Variants in PCDHA7 observed in about 807,000 individuals in gnomAD.
PCDHA7 encodes protocadherin alpha 7, also known as protocadherin alpha-7.
A neutral mutation model predicts 57.2 loss-of-function variants in PCDHA7; 37 were observed. The observed-to-expected ratio is 0.65, with a 90% CI of 0.50 to 0.85. PCDHA7 has a LOEUF of 0.85. PCDHA7 is among the 40% of genes least tolerant of loss of function. The pLI is 0.00. For synonymous variants in PCDHA7, 553 were observed against 558.8 expected, an observed-to-expected ratio of 0.99 and a Z score of 0.15; for missense variants, 1,188 against 1,241.8, an observed-to-expected ratio of 0.96 and a Z score of 0.65.
At chr5:141,007,706 C>T (rs1269578685) in intron 3 of PCDHA7, among the ~76,000 whole-genome samples, 1 of 152,218 alleles carries the variant, frequency 6.6e-6, no homozygotes, top group Non-Finnish European at 1.5e-5. Flanking sequence ...TCCTCTGCCT[C>T]CCACCACCAG....
chr5:140,863,469 G>A (rs2153224585), intron 1 of PCDHA7: 1 of 498,172 alleles, frequency 2.0e-6, no homozygotes, highest in Non-Finnish European at 4.0e-6. Context: ...TTACTCTGGA[G>A]AGTCGCCTCC....
In PCDHA7 at chr5:140,941,191, T is replaced by C. The variant is rs184104978; in HGVS notation, c.2356-37758T>C. Among the ~76,000 whole-genome samples the C allele has an allele frequency of 2.1e-3, 199 of 93,252 alleles. 3 individuals are homozygous for C. Among genetic ancestry groups the C allele is most frequent in the South Asian group, 0.011 (39 of 3,542 alleles). The allele number at this position is 93,252 out of a possible 152,430, so 61.2% of individuals were successfully genotyped here. A position where few individuals can be genotyped will look rare whatever the true frequency, so the allele number is the denominator to read the frequency against. On this transcript the variant is annotated intron_variant, in intron 1 of 3. Transcript: ENST00000525929. ...CATCTTGAACATCCTGCTTCTTTTT[T>C]TTTCTTTCTTCCTTTCTTTCTTCCT...
rs144574743 is a variant in PCDHA7, at chr5:140,848,603, G to C, written c.2355+11865G>C. ...GCGGCCAGCTCCACTACTCCGTCCCGGAGGAAGCCGAACACGGCACCTTCG... is the reference window on the plus strand; with the variant it reads ...GCGGCCAGCTCCACTACTCCGTCCCCGAGGAAGCCGAACACGGCACCTTCG... On this transcript the variant is annotated intron_variant, in intron 1 of 3. Transcript: ENST00000525929. 5,441 of 1,581,086 alleles carry C rather than the reference G, an allele frequency of 3.4e-3. 700 individuals are homozygous for C. Among genetic ancestry groups the C allele is most frequent in the Middle Eastern group, 0.011 (64 of 5,726 alleles).
At chr5:140,955,157 T>A (rs1554221797) in intron 1 of PCDHA7, among the ~76,000 whole-genome samples, 1 of 152,198 alleles carries the variant, frequency 6.6e-6, no homozygotes, top group Non-Finnish European at 1.5e-5. Context: ...ACCAGTACCG[T>A]GCTGTTTTGG....
intron 1 of PCDHA7, among the ~76,000 whole-genome samples, chr5:140,918,164 G>T (rs1156404209): frequency 6.6e-6 from 1 of 152,088 alleles, no homozygotes; most frequent in East Asian, 1.9e-4. Context: ...TATTGTAAAT[G>T]GCATTGTGTT....
At chr5:140,927,993 A>G (rs782756882) in intron 1 of PCDHA7, 66 of 1,614,068 alleles carry the variant, frequency 4.1e-5, no homozygotes, top group Non-Finnish European at 5.4e-5. Flanking sequence ...TAAAGGATGA[A>G]GACCTCGATT....
chr5:141,010,697 C>T lies in PCDHA7; in HGVS notation c.*760C>T, dbSNP rs1163164861. The T allele has an allele frequency of 6.3e-6, 1 of 158,698 alleles. No homozygotes were observed. 9.8% of individuals were successfully genotyped at this position (158,698 alleles called of 1,614,324 possible). A position where few individuals can be genotyped will look rare whatever the true frequency, so the allele number is the denominator to read the frequency against. On this transcript the variant is annotated 3_prime_UTR_variant, in exon 4 of 4. Coordinates refer to ENST00000525929, the MANE Select transcript of PCDHA7 (RefSeq NM_018910.3). ...AACAGAAGCAGATCTGATGTGTTTCCTATACATGTCCTGTGCTCACTTTAT... is the reference window on the plus strand; with the variant it reads ...AACAGAAGCAGATCTGATGTGTTTCTTATACATGTCCTGTGCTCACTTTAT...
chr5:140,955,175 A>G (rs1212192227), intron 1 of PCDHA7, among the ~76,000 whole-genome samples: 1 of 152,058 alleles, frequency 6.6e-6, no homozygotes, highest in Non-Finnish European at 1.5e-5. Flanking sequence ...TGGTTACTGT[A>G]GTTTTGTGGT....
At chr5:140,966,246 G>T (rs184430396) in intron 1 of PCDHA7, 5 of 319,412 alleles carry the variant, frequency 1.6e-5, no homozygotes, top group African/African-American at 6.4e-5. Flanking sequence ...TTAAGCAGGG[G>T]AGAGACGGTG....
intron 1 of PCDHA7, among the ~76,000 whole-genome samples, chr5:140,901,260 T>G (rs1554189701): frequency 1.3e-5 from 2 of 152,190 alleles, no homozygotes; most frequent in African/African-American, 2.4e-5. Flanking sequence ...CCTGTGATTG[T>G]GGGGTATTAC....
intron 1 of PCDHA7, among the ~76,000 whole-genome samples, chr5:140,873,515 C>A (rs2054335003): frequency 6.6e-6 from 1 of 152,056 alleles, no homozygotes; most frequent in African/African-American, 2.4e-5. Context: ...ATACTTAATG[C>A]CAAGATTGCA....
At chr5:140,859,448 G>C (rs1434508059) in intron 1 of PCDHA7, 1 of 222,132 alleles carries the variant, frequency 4.5e-6, no homozygotes, top group African/African-American at 2.3e-5. Flanking sequence ...CTTAGTTGCA[G>C]AGTGACAAAA....
intron 1 of PCDHA7, chr5:140,843,873 T>C (rs1554140466): frequency 1.3e-6 from 1 of 797,276 alleles, no homozygotes; most frequent in Admixed American, 3.0e-5. Context: ...ATTTTCTCAG[T>C]GGCATAATAC....
At chr5:140,927,090 C>T (rs368092094) in intron 1 of PCDHA7, 34 of 1,612,532 alleles carry the variant, frequency 2.1e-5, no homozygotes, top group Non-Finnish European at 1.4e-5. Flanking sequence ...AGCTCTACTT[C>T]GGGGTGGATC....
chr5:140,852,081 T>C (rs2042233455), intron 1 of PCDHA7: 1 of 899,702 alleles, frequency 1.1e-6, no homozygotes, highest in Non-Finnish European at 1.4e-6. Context: ...AGCTATTTTA[T>C]TTAATATTGT....
At chr5:140,852,582 AT>A (rs2150518947) in intron 1 of PCDHA7, 40,508 of 639,920 alleles carry the variant, frequency 0.063, 8 homozygotes, top group South Asian at 0.073. Flanking sequence ...AGGCTTTTTT[AT>A]TTTTTTTTTT....
At chr5:140,871,314 G>C (rs199741530) in intron 1 of PCDHA7, 3 of 1,614,048 alleles carry the variant, frequency 1.9e-6, no homozygotes, top group Admixed American at 3.3e-5. Flanking sequence ...GGAAGCCCAC[G>C]CTGGTGTGCT....
At chr5:140,906,933 G>A (rs1214323970) in intron 1 of PCDHA7, among the ~76,000 whole-genome samples, 2 of 152,158 alleles carry the variant, frequency 1.3e-5, no homozygotes, top group African/African-American at 4.8e-5. Flanking sequence ...GTGTCCCGGT[G>A]TCAATCTTAA....
chr5:140,966,816 G>A lies in PCDHA7; in HGVS notation c.2356-12133G>A, dbSNP rs1448171487. On this transcript the variant is annotated intron_variant, in intron 1 of 3. Transcript: ENST00000525929. ...GCGGCGACAGAGCATCCACGGCTCC[G>A]GCGGCCCATGCCCTGGCTGCTGCTA... 5.2e-6 allele frequency: 8 copies of A among 1,553,302 alleles called. No homozygotes were observed. The East Asian group carries it at 7.2e-5, about 14-fold the overall frequency.
Sources: gnomAD v4.1 joint callset for allele counts (sites outside exome capture counted in the v4.1 genomes callset) on GRCh38, gnomAD v4.1.1 for gene constraint, MANE v1.5 for transcripts, NCBI Gene and HGNC (gene_info 2026-07-23, HGNC 2026-07-21) for gene names.